Variants in ERBB4 observed in about 807,000 individuals in gnomAD.
The protein encoded by ERBB4 is erb-b2 receptor tyrosine kinase 4.
In ERBB4, 42 loss-of-function variants were observed where a neutral mutation model predicts 158.0. The observed-to-expected ratio is 0.27, with a 90% CI of 0.21 to 0.34. ERBB4 has a LOEUF of 0.34. Among genes scored for constraint, ERBB4 ranks in the 10% least tolerant of loss-of-function variants. The pLI is 1.00. For missense variants in ERBB4, 1,333 were observed against 1,624.1 expected (o/e 0.82, Z 3.08); for synonymous variants, 583 against 558.7 (o/e 1.04, Z -0.61).
chr2:211,386,173 G>C (rs1340504432), intron 27 of ERBB4, among the ~76,000 whole-genome samples: 1 of 151,988 alleles, frequency 6.6e-6, no homozygotes, highest in Non-Finnish European at 1.5e-5. Context: ...AAGAAGAAAG[G>C]CTGTTTTGTT....
intron 2 of ERBB4, among the ~76,000 whole-genome samples, chr2:211,962,121 C>T (rs1228488061): frequency 6.6e-6 from 1 of 151,922 alleles, no homozygotes; most frequent in African/African-American, 2.4e-5. Context: ...ACTACTTAAG[C>T]TATGTATTCA....
At chr2:211,716,472 C>T (rs1276149214) in intron 7 of ERBB4, among the ~76,000 whole-genome samples, 2 of 149,888 alleles carry the variant, frequency 1.3e-5, no homozygotes, top group Admixed American at 6.7e-5. Context: ...GTCAGGAGAT[C>T]GAGACCATCC....
intron 14 of ERBB4, among the ~76,000 whole-genome samples, chr2:211,669,861 C>T (rs538653921): frequency 3.9e-5 from 6 of 152,230 alleles, no homozygotes; most frequent in East Asian, 1.9e-4. Flanking sequence ...ATCCTACTGA[C>T]GTGCTGACTT....
At chr2:212,255,195 A>C (rs375132552) in intron 1 of ERBB4, among the ~76,000 whole-genome samples, 1 of 152,202 alleles carries the variant, frequency 6.6e-6, no homozygotes, top group South Asian at 2.1e-4. Context: ...TATTAAGAGG[A>C]AAAAATAAGA....
intron 2 of ERBB4, among the ~76,000 whole-genome samples, chr2:211,962,926 A>G (rs1049937152): frequency 7.9e-5 from 12 of 152,016 alleles, no homozygotes; most frequent in African/African-American, 2.9e-4. Flanking sequence ...TTAAACTAAC[A>G]CCTTCTTTTT....
chr2:212,045,669 G>T (rs116779489), intron 2 of ERBB4, among the ~76,000 whole-genome samples: 1 of 152,092 alleles, frequency 6.6e-6, no homozygotes, highest in African/African-American at 2.4e-5. Context: ...AACATGAAAC[G>T]TCAATAAGAC....
chr2:211,658,281 C>T (rs950018951), intron 15 of ERBB4, among the ~76,000 whole-genome samples: 3 of 152,102 alleles, frequency 2.0e-5, no homozygotes, highest in Non-Finnish European at 4.4e-5. Context: ...AACTGATATG[C>T]ATCATACATG....
chr2:211,571,041 C>T (rs201475145), intron 19 of ERBB4, among the ~76,000 whole-genome samples: 2,995 of 109,036 alleles, frequency 0.027, 102 homozygotes, highest in African/African-American at 0.074. Context: ...TACTCTTCTT[C>T]TTTTTTTTTT....
chr2:211,626,968 A>T (rs1224359802), intron 17 of ERBB4, among the ~76,000 whole-genome samples: 2 of 123,770 alleles, frequency 1.6e-5, no homozygotes, highest in East Asian at 4.8e-4. Context: ...AAAAAAAAAA[A>T]GTGTGTGTTT....
intron 3 of ERBB4, among the ~76,000 whole-genome samples, chr2:211,803,609 A>T (rs2076548245): frequency 6.6e-6 from 1 of 152,180 alleles, no homozygotes; most frequent in Admixed American, 6.5e-5. Flanking sequence ...GGGTTGCCAG[A>T]GGTTGGTTTT....
At chr2:211,609,054 T>C (rs1048146533) in intron 19 of ERBB4, among the ~76,000 whole-genome samples, 1 of 152,100 alleles carries the variant, frequency 6.6e-6, no homozygotes, top group Non-Finnish European at 1.5e-5. Flanking sequence ...TACACCAGAA[T>C]GAAGGCCTCA....
chr2:211,739,952 G>A (rs1032208213), intron 5 of ERBB4, among the ~76,000 whole-genome samples: 4 of 152,160 alleles, frequency 2.6e-5, no homozygotes, highest in Admixed American at 2.6e-4. Context: ...TTACATATTG[G>A]TGAAATATTG....
intron 3 of ERBB4, among the ~76,000 whole-genome samples, chr2:211,878,342 G>C (rs572989407): frequency 6.6e-6 from 1 of 152,114 alleles, no homozygotes; most frequent in Admixed American, 6.5e-5. Context: ...CTTTTTGAAA[G>C]AAAGAGATAA....
chr2:212,167,896 A>T lies in ERBB4; in HGVS notation c.83-42993T>A, dbSNP rs140959844. On this transcript the variant is annotated intron_variant, in intron 1 of 27. Transcript: ENST00000342788. ...TAAGTGGGAGTTGCAAAATGAAAAC[A>T]CACGGACACAGGAAGGGAAACAACA... 4.9e-3 allele frequency among the ~76,000 whole-genome samples: 739 copies of T among 152,216 alleles called. 1 individual carries two copies. Among genetic ancestry groups the T allele is most frequent in the African/African-American group, 9.8e-3 (408 of 41,536 alleles).
intron 1 of ERBB4, among the ~76,000 whole-genome samples, chr2:212,351,732 A>T (rs1212108804): frequency 1.3e-5 from 2 of 152,266 alleles, no homozygotes; most frequent in East Asian, 3.9e-4. Context: ...GTCTTTCTAC[A>T]CTTTTTCCAC....
intron 2 of ERBB4, among the ~76,000 whole-genome samples, chr2:212,032,237 C>A (rs2076920121): frequency 6.6e-6 from 1 of 151,896 alleles, no homozygotes; most frequent in Non-Finnish European, 1.5e-5. Flanking sequence ...GGAAGTGACA[C>A]TGTAGATCTG....
rs377515224 is a variant in ERBB4 at position 212,361,440 on chromosome 2, G to C, written c.82+177009C>G. On this transcript the variant is annotated intron_variant, in intron 1 of 27. Coordinates refer to ENST00000342788, the MANE Select transcript of ERBB4 (RefSeq NM_005235.3). ...CAAAGAGGGAAGGTTTTGCATATAGGCTGTCTGTAAAGTAAATAACATCAT... is the reference window on the plus strand; with the variant it reads ...CAAAGAGGGAAGGTTTTGCATATAGCCTGTCTGTAAAGTAAATAACATCAT... Among the ~76,000 whole-genome samples the C allele has an allele frequency of 8.9e-4, 135 of 151,598 alleles. 1 individual carries two copies. Among genetic ancestry groups the C allele is most frequent in the Non-Finnish European group, 3.5e-4 (24 of 67,688 alleles).
chr2:211,850,099 A>G (rs2077683192), intron 3 of ERBB4, among the ~76,000 whole-genome samples: 1 of 151,956 alleles, frequency 6.6e-6, no homozygotes, highest in African/African-American at 2.4e-5. Flanking sequence ...ATAGAACCAT[A>G]TATTTATTCA....
intron 1 of ERBB4, among the ~76,000 whole-genome samples, chr2:212,137,269 T>C (rs758837889): frequency 6.6e-6 from 1 of 152,184 alleles, no homozygotes; most frequent in Non-Finnish European, 1.5e-5. Context: ...GATTATTTCA[T>C]CATCCAGGTA....
Sources: allele counts gnomAD v4.1 joint callset (sites outside exome capture counted in the v4.1 genomes callset), GRCh38; gene constraint gnomAD v4.1.1; transcripts MANE v1.5; gene names NCBI Gene and HGNC (gene_info 2026-07-23, HGNC 2026-07-21).